Variants in BNIPL observed in about 807,000 individuals in gnomAD.
The protein encoded by BNIPL is bcl-2/adenovirus E1B 19 kDa-interacting protein 2-like protein.
A neutral mutation model predicts 47.0 loss-of-function variants in BNIPL; 33 were observed. That is an observed-to-expected ratio of 0.70 (90% CI 0.53 to 0.94). The LOEUF is 0.94. Ranked by LOEUF, BNIPL falls within the 40% of genes least tolerant of loss-of-function variation. The pLI, the probability that BNIPL is intolerant of heterozygous loss-of-function variation, is 0.00. For missense variants in BNIPL, 404 were observed against 445.2 expected (o/e 0.91, Z 0.83); for synonymous variants, 145 against 162.7 (o/e 0.89, Z 0.83).
Position 151,042,963 on chromosome 1 carries a change from AC to A in BNIPL, c.445del (p.Arg149GlyfsTer22). ...GHEFEWEDEL[P>X]RAEGLGTSET... ...CCCATCCCTCTCTTTTAGATGAACTACCCCGGGCAGAGGGTCTGGGCACCAG... is the reference window on the plus strand; with the variant it reads ...CCCATCCCTCTCTTTTAGATGAACTACCCGGGCAGAGGGTCTGGGCACCAG... On this transcript the variant is annotated frameshift_variant, in exon 5 of 10. Coordinates refer to ENST00000368931, the MANE Select transcript of BNIPL (RefSeq NM_138278.4). LOFTEE classifies it high-confidence loss of function. 6.3e-7 allele frequency: 1 copy of A among 1,577,262 alleles called. No individual in the cohort carries two copies. The highest frequency in any genetic ancestry group is 1.2e-5 in the South Asian group (1 of 85,094).
chr1:151,046,216 ATC>A, intron 9 of BNIPL, 51 bp downstream of exon 9: 1 of 1,604,852 alleles, frequency 6.2e-7, no homozygotes, highest in Non-Finnish European at 8.5e-7. Flanking sequence ...TGTAAAGCCA[ATC>A]TCTACTTTTT....
Position 151,047,586 on chromosome 1 carries a change from A to T in BNIPL, c.*899A>T. 3.8e-6 allele frequency: 2 copies of T among 524,058 alleles called. No homozygotes were observed. Among genetic ancestry groups the T allele is most frequent in the Non-Finnish European group, 6.6e-6 (2 of 304,270 alleles). 32.5% of individuals were successfully genotyped at this position (524,058 alleles called of 1,614,324 possible). ...CTAATAAACTGCGATGAGACATTTA[A>T]GCTCTGCTCCAAAGAAGTGAACGAC... is the stretch of plus-strand genomic sequence containing the variant. On this transcript the variant is annotated 3_prime_UTR_variant, in exon 10 of 10. Coordinates refer to ENST00000368931, the MANE Select transcript of BNIPL (RefSeq NM_138278.4).
intron 7 of BNIPL, chr1:151,044,881 G>A (rs1366354225): frequency 1.6e-6 from 2 of 1,288,578 alleles, no homozygotes; most frequent in African/African-American, 1.5e-5. Context: ...TCCACCTAGA[G>A]TTTTATAAGT....
intron 6 of BNIPL, 71 bp downstream of exon 6, chr1:151,043,505 G>A: frequency 6.4e-7 from 1 of 1,555,438 alleles, no homozygotes; most frequent in Non-Finnish European, 8.9e-7. Flanking sequence ...CTCCTTCAAA[G>A]ATCAGTAGCT....
Position 151,047,630 on chromosome 1 carries a change from A to G in BNIPL, c.*943A>G, listed in dbSNP as rs587765989. 2.7e-5 allele frequency: 18 copies of G among 673,688 alleles called. No homozygotes were observed. The highest frequency in any genetic ancestry group is 3.7e-5 in the Non-Finnish European group (16 of 428,912). 41.7% of individuals were successfully genotyped at this position (673,688 alleles called of 1,614,324 possible). On this transcript the variant is annotated 3_prime_UTR_variant, in exon 10 of 10. Coordinates refer to ENST00000368931, the MANE Select transcript of BNIPL (RefSeq NM_138278.4). ...GAACGACTCTTTCACCACCCCTTGCATCCCAAACCTTCGGTTCTGGCAGAG... is the reference window on the plus strand; with the variant it reads ...GAACGACTCTTTCACCACCCCTTGCGTCCCAAACCTTCGGTTCTGGCAGAG...
chr1:151,041,774 G>A (rs954567007), intron 4 of BNIPL, among the ~76,000 whole-genome samples: 15 of 152,268 alleles, frequency 9.9e-5, no homozygotes, highest in South Asian at 4.1e-4. Flanking sequence ...AGGAGTTTGA[G>A]ACAAGCCTGG....
At position 151,042,993 on chromosome 1, in the gene BNIPL, G is replaced by A. The variant is rs1475066018; in HGVS notation, c.471G>A (p.Glu157=). ...GGGCAGAGGGTCTGGGCACCAGTGA[G>A]ACAGCTGAAAGGCTGGGCCGAGGTT... ...LPRAEGLGTS[E]TAERLGRGCM... is the part of the protein sequence containing the mutation. Residue 157 remains glutamate, a synonymous_variant, in exon 5 of 10, where the codon GAG becomes GAA. Coordinates refer to ENST00000368931, the MANE Select transcript of BNIPL (RefSeq NM_138278.4). The A allele has an allele frequency of 6.2e-7, 1 of 1,606,214 alleles. No homozygotes were observed. The highest frequency in any genetic ancestry group is 8.5e-7 in the Non-Finnish European group (1 of 1,177,934).
At chr1:151,036,791 A>C (rs1366742711) in intron 1 of BNIPL, 25 bp downstream of exon 1, 1 of 1,592,136 alleles carries the variant, frequency 6.3e-7, no homozygotes, top group African/African-American at 1.3e-5. Context: ...GGCTCACTTG[A>C]TTGGTAACAG....
At chr1:151,043,754 A>G (rs1300191170) in intron 7 of BNIPL, 27 bp downstream of exon 7, 8 of 1,572,392 alleles carry the variant, frequency 5.1e-6, no homozygotes, top group Non-Finnish European at 6.9e-6. Context: ...GAGGGCTACA[A>G]CTCTCTATCT....
intron 9 of BNIPL, among the ~76,000 whole-genome samples, chr1:151,046,371 A>T (rs1676023666): frequency 6.6e-6 from 1 of 152,022 alleles, no homozygotes; most frequent in Admixed American, 6.6e-5. Context: ...GAAAAAAAAA[A>T]AAAACCTATA....
rs1676079197 is a variant in BNIPL at position 151,047,691 on chromosome 1, C to CG, written c.*1006dup. The stretch of plus-strand genomic sequence containing the variant: ...AGAGGTTCCTTAGGAGCACCCCGCG[C>CG]GGCCCGCGCGAGCGCGCCTGCGCGT... On this transcript the variant is annotated 3_prime_UTR_variant, in exon 10 of 10. Coordinates refer to ENST00000368931, the MANE Select transcript of BNIPL (RefSeq NM_138278.4). 7.8e-7 allele frequency: 1 copy of CG among 1,280,648 alleles called. No homozygotes were observed. The highest frequency in any genetic ancestry group is 1.5e-5 in the African/African-American group (1 of 66,208). The allele number at this position is 1,280,648 out of a possible 1,614,324, so 79.3% of individuals were successfully genotyped here.
chr1:151,038,966 G>T lies in BNIPL; in HGVS notation c.373G>T (p.Glu125Ter). 20 of 1,611,950 alleles carry T rather than the reference G, an allele frequency of 1.2e-5. No homozygotes were observed. The highest frequency in any genetic ancestry group is 1.7e-5 in the Non-Finnish European group (20 of 1,179,086). Residue 125 changes from glutamate to a stop codon, truncating the protein, a stop_gained, in exon 4 of 10, where the codon GAA becomes TAA. Coordinates refer to ENST00000368931, the MANE Select transcript of BNIPL (RefSeq NM_138278.4). LOFTEE classifies it high-confidence loss of function. ...PDGSSDLEID[E>*]LETPSDSEQL... ...TGGCAGTTCTGACCTGGAGATAGAC[G>T]AATTGGAGACACCTTCAGACTCGGA...
intron 7 of BNIPL, chr1:151,044,908 C>T (rs746783607): frequency 1.0e-5 from 13 of 1,289,488 alleles, no homozygotes; most frequent in African/African-American, 4.6e-5. Context: ...GGTCATGGAG[C>T]GATGTAGAAG....
intron 1 of BNIPL, among the ~76,000 whole-genome samples, chr1:151,037,135 AC>A (rs1675634067): frequency 6.6e-6 from 1 of 152,064 alleles, no homozygotes; most frequent in African/African-American, 2.4e-5. Flanking sequence ...CTTTCTCCTT[AC>A]CTTCTTCCTC....
Position 151,046,633 on chromosome 1 carries a change from C to CCCCTCT in BNIPL, c.1038-9_1038-4dup. ...TACCCCCTGAACCACTTCTCTCCTC[C>CCCCTCT]CCCTCTCCCTCTCCTAGGCTGGACC... On this transcript the variant is annotated splice_polypyrimidine_tract_variant and intron_variant, in intron 9 of 9. Coordinates refer to ENST00000368931, the MANE Select transcript of BNIPL (RefSeq NM_138278.4). 12 of 1,596,724 alleles carry CCCCTCT rather than the reference C, an allele frequency of 7.5e-6. No individual in the cohort carries two copies. The highest frequency in any genetic ancestry group is 1.0e-5 in the Non-Finnish European group (12 of 1,168,568).
At position 151,046,156 on chromosome 1, in the gene BNIPL, C is replaced by CT. The variant is rs755078152; in HGVS notation, c.1029dup (p.Val344CysfsTer27). 6 of 1,614,078 alleles carry CT rather than the reference C, an allele frequency of 3.7e-6. No homozygotes were observed. Among genetic ancestry groups the CT allele is most frequent in the Non-Finnish European group, 5.1e-6 (6 of 1,180,006 alleles). On this transcript the variant is annotated frameshift_variant, in exon 9 of 10. Transcript: ENST00000368931. LOFTEE classifies it high-confidence loss of function. ...CTGGATCAAGTCCACATCCCTGAAG[C>CT]TGTCAGACAGTGAGTTTCACACTTA...
At chr1:151,043,246 C>G (rs1052917808) in intron 5 of BNIPL, 86 bp from the exon 6 acceptor site, 32 of 1,500,094 alleles carry the variant, frequency 2.1e-5, no homozygotes, top group Non-Finnish European at 2.7e-5. Flanking sequence ...CTTCCAGAGA[C>G]CCTCAGAGTC....
rs148614604 is a variant in BNIPL, at chr1:151,046,130, C to T, written c.1002C>T (p.Ser334=). 2.5e-6 allele frequency: 4 copies of T among 1,613,992 alleles called. No homozygotes were observed. In the African/African-American group the frequency reaches 4.0e-5, roughly 16 times the overall value. ...DSLGELAQLI[S]LDQVHIPEAV... ...TGGGGGAGCTGGCCCAACTCATATC[C>T]CTGGATCAAGTCCACATCCCTGAAG... The change falls in exon 9 of 10, where the codon TCC becomes TCT. Residue 334 remains serine, a synonymous_variant. Coordinates refer to ENST00000368931, the MANE Select transcript of BNIPL (RefSeq NM_138278.4).
intron 4 of BNIPL, among the ~76,000 whole-genome samples, 170 bp downstream of exon 4, chr1:151,039,196 TA>T (rs2102960631): frequency 6.6e-6 from 1 of 152,144 alleles, no homozygotes; most frequent in African/African-American, 2.4e-5. Flanking sequence ...AATGTGAGAG[TA>T]GTCAGTAGAG....
Sources: allele counts gnomAD v4.1 joint callset (sites outside exome capture counted in the v4.1 genomes callset), GRCh38; gene constraint gnomAD v4.1.1; transcripts MANE v1.5; gene names NCBI Gene and HGNC (gene_info 2026-07-23, HGNC 2026-07-21).